DEPTOR: variants seen among roughly 807,000 people sequenced by gnomAD.
The protein encoded by DEPTOR is DEP domain-containing mTOR-interacting protein.
DEPTOR carries 41 observed loss-of-function variants against 41.6 expected under a neutral mutation model. The ratio of observed to expected loss-of-function variants is 0.98; its 90% CI spans 0.77 to 1.28. The LOEUF (loss-of-function observed/expected upper bound fraction) is 1.28. Among genes scored for constraint, DEPTOR ranks in the 50% most tolerant of loss-of-function variants. The pLI is 0.00. For missense variants in DEPTOR, 514 were observed against 527.9 expected, an observed-to-expected ratio of 0.97 and a Z score of 0.26; for synonymous variants, 195 against 192.3, an observed-to-expected ratio of 1.01 and a Z score of -0.12.
At chr8:119,948,458 A>C (rs1005434128) in intron 3 of DEPTOR, among the ~76,000 whole-genome samples, 1 of 151,946 alleles carries the variant, frequency 6.6e-6, no homozygotes, top group African/African-American at 2.4e-5. Flanking sequence ...ATAAGAATTA[A>C]AAAATATATT....
At position 120,049,643 on chromosome 8, in the gene DEPTOR, ATC is replaced by A. The variant is rs1813204985; in HGVS notation, c.1171_1172del (p.Leu391AspfsTer71). 2.5e-6 allele frequency: 4 copies of A among 1,613,926 alleles called. No homozygotes were observed. The highest frequency in any genetic ancestry group is 2.5e-6 in the Non-Finnish European group (3 of 1,179,938). ...CATGTAGACTACCGGACCGTGAGCA[ATC>A]TGATTCTGACGGGCCCACGGACGAT... On this transcript the variant is annotated frameshift_variant, in exon 9 of 9. Transcript: ENST00000286234. LOFTEE classifies it high-confidence loss of function.
At chr8:119,899,081 C>T (rs575875044) in intron 1 of DEPTOR, among the ~76,000 whole-genome samples, 2 of 152,266 alleles carry the variant, frequency 1.3e-5, no homozygotes, top group South Asian at 4.1e-4. Flanking sequence ...CTCTATCAGC[C>T]ACTATAAATT....
At chr8:120,033,104 T>G (rs1381782759) in intron 8 of DEPTOR, among the ~76,000 whole-genome samples, 1 of 69,914 alleles carries the variant, frequency 1.4e-5, no homozygotes, top group Non-Finnish European at 3.0e-5. Context: ...TTTTTTTTTT[T>G]GAGACAAAAT....
chr8:119,959,044 G>T (rs1828454745), intron 3 of DEPTOR, among the ~76,000 whole-genome samples: 1 of 151,954 alleles, frequency 6.6e-6, no homozygotes, highest in Admixed American at 6.6e-5. Flanking sequence ...TCTAAGAAGG[G>T]GTTGTCCATT....
intron 1 of DEPTOR, among the ~76,000 whole-genome samples, chr8:119,911,668 G>A (rs573230510): frequency 2.1e-4 from 32 of 152,252 alleles, no homozygotes; most frequent in Non-Finnish European, 4.4e-4. Context: ...TCTGAAGGAA[G>A]GGTTATGTAA....
rs531617647 is a variant in DEPTOR, at chr8:120,050,558, A to G, written c.*854A>G. On this transcript the variant is annotated 3_prime_UTR_variant, in exon 9 of 9. Transcript: ENST00000286234. ...AGGTGTCTGTTTTTAAGGGAAGGCT[A>G]AAACTTTGCTGATATGTGATAAAAC... 5 of 152,320 alleles carry G rather than the reference A, an allele frequency of 3.3e-5. No individual in the cohort carries two copies. In the South Asian group the frequency reaches 1.0e-3, roughly 32 times the overall value. The allele number at this position is 152,320 out of a possible 1,614,324, so 9.4% of individuals were successfully genotyped here. A position where few individuals can be genotyped will look rare whatever the true frequency, so the allele number is the denominator to read the frequency against.
At chr8:120,028,882 C>T (rs1031954911) in intron 8 of DEPTOR, among the ~76,000 whole-genome samples, 2 of 151,674 alleles carry the variant, frequency 1.3e-5, no homozygotes, top group Non-Finnish European at 2.9e-5. Context: ...GTCAGGAGTT[C>T]GAGACCAGCC....
At chr8:120,003,179 A>C in intron 6 of DEPTOR, 68 bp downstream of exon 6, 1 of 1,579,838 alleles carries the variant, frequency 6.3e-7, no homozygotes, top group Non-Finnish European at 8.6e-7. Flanking sequence ...GGGAAGCAGA[A>C]TCTGAGATAG....
intron 3 of DEPTOR, among the ~76,000 whole-genome samples, chr8:119,957,145 A>G (rs968280688): frequency 4.6e-5 from 7 of 152,302 alleles, no homozygotes; most frequent in African/African-American, 1.7e-4. Context: ...TTAGCCTCCC[A>G]AAGTGCTGGG....
At chr8:119,915,404 A>G (rs1827798485) in intron 1 of DEPTOR, among the ~76,000 whole-genome samples, 1 of 152,240 alleles carries the variant, frequency 6.6e-6, no homozygotes, top group East Asian at 1.9e-4. Context: ...ATGGCAATGC[A>G]GTGTCTTTCT....
rs137951380 is a variant in DEPTOR, at chr8:119,938,528, A to G, written c.425+8590A>G. On this transcript the variant is annotated intron_variant, in intron 3 of 8. Coordinates refer to ENST00000286234, the MANE Select transcript of DEPTOR (RefSeq NM_022783.4). The stretch of plus-strand genomic sequence containing the variant: ...TCTTTCTTTTTTCAATTTTTTTTTA[A>G]TTGAGACAGAATCTTGCTCTGTTGC... Among the ~76,000 whole-genome samples the G allele has an allele frequency of 3.5e-3, 529 of 151,892 alleles. 2 individuals carry two copies. Among genetic ancestry groups the G allele is most frequent in the Non-Finnish European group, 5.1e-3 (348 of 67,922 alleles).
chr8:120,012,000 T>A (rs1812537900), intron 8 of DEPTOR, among the ~76,000 whole-genome samples: 1 of 152,150 alleles, frequency 6.6e-6, no homozygotes, highest in African/African-American at 2.4e-5. Flanking sequence ...AACTGCCACA[T>A]ACTTTATCCC....
chr8:119,925,852 C>T (rs1455378153), intron 1 of DEPTOR, among the ~76,000 whole-genome samples: 6 of 152,040 alleles, frequency 3.9e-5, no homozygotes, highest in South Asian at 2.1e-4. Flanking sequence ...CTCGAGCTCC[C>T]GACCTCAAGT....
intron 4 of DEPTOR, among the ~76,000 whole-genome samples, chr8:119,992,123 G>A (rs1263020964): frequency 2.6e-5 from 4 of 152,142 alleles, no homozygotes; most frequent in African/African-American, 9.7e-5. Context: ...TGTCTATCAG[G>A]GCTAGTCTAT....
At chr8:120,043,527 T>C (rs183697437) in intron 8 of DEPTOR, among the ~76,000 whole-genome samples, 1 of 152,282 alleles carries the variant, frequency 6.6e-6, no homozygotes, top group East Asian at 1.9e-4. Context: ...GTTTAACAGT[T>C]AAAGAGAAGA....
At chr8:119,992,918 A>G (rs938557299) in intron 4 of DEPTOR, among the ~76,000 whole-genome samples, 3 of 152,054 alleles carry the variant, frequency 2.0e-5, no homozygotes, top group Non-Finnish European at 4.4e-5. Context: ...CGGCCTCCCA[A>G]AGTGCTGAGA....
At chr8:119,916,266 A>ATTTTTGTTTTTTTTTTTTTTTTTTTT (rs1827812381) in intron 1 of DEPTOR, among the ~76,000 whole-genome samples, 1 of 123,294 alleles carries the variant, frequency 8.1e-6, no homozygotes. Context: ...GGCTAGGCTA[A>ATTTTTGTTTTTTTTTTTTTTTTTTTT]TTTTTTTTTT....
chr8:119,918,448 T>G (rs1340553106), intron 1 of DEPTOR, among the ~76,000 whole-genome samples: 2 of 13,238 alleles, frequency 1.5e-4, no homozygotes, highest in Non-Finnish European at 4.4e-4. Context: ...CTTTATTTAT[T>G]TATTTATTTA....
At chr8:120,013,985 G>A (rs545986877) in intron 8 of DEPTOR, among the ~76,000 whole-genome samples, 8 of 151,986 alleles carry the variant, frequency 5.3e-5, no homozygotes, top group African/African-American at 1.2e-4. Flanking sequence ...GATTACAGGC[G>A]TGCCACTATG....
Sources: allele counts gnomAD v4.1 joint callset (sites outside exome capture counted in the v4.1 genomes callset), GRCh38; gene constraint gnomAD v4.1.1; transcripts MANE v1.5; gene names NCBI Gene and HGNC (gene_info 2026-07-23, HGNC 2026-07-21).